The following TNXB variants were observed in gnomAD, a reference collection of about 807,000 sequenced individuals.
TNXB encodes tenascin XB, also known as tenascin-X.
TNXB carries 183 observed loss-of-function variants against 340.5 expected under a neutral mutation model. The observed-to-expected ratio is 0.54, with a 90% CI of 0.48 to 0.61. TNXB has a LOEUF of 0.61. TNXB is among the 20% of genes least tolerant of loss of function. The probability of loss-of-function intolerance (pLI) is 0.00; values close to 1 mark genes in which losing one functional copy is unlikely to be tolerated. For synonymous variants in TNXB, 2,121 were observed against 2,314.5 expected (o/e 0.92, Z 2.40); for missense variants, 4,613 against 5,446.4 (o/e 0.85, Z 4.82).
At chr6:32,050,706 T>C (rs1440446866) in intron 26 of TNXB, among the ~76,000 whole-genome samples, 1 of 152,144 alleles carries the variant, frequency 6.6e-6, no homozygotes, top group African/African-American at 2.4e-5. Flanking sequence ...GGCCAGAGCC[T>C]GGGGTGTGTT....
chr6:32,063,205 T>C (rs929264374), intron 19 of TNXB, among the ~76,000 whole-genome samples: 7 of 152,032 alleles, frequency 4.6e-5, no homozygotes, highest in African/African-American at 1.7e-4. Context: ...CTGGCCAACA[T>C]GGCGAAATCC....
At position 32,095,781 on chromosome 6, in the gene TNXB, C is replaced by T. The variant is rs201146825; in HGVS notation, c.2072G>A (p.Gly691Asp). 2.6e-5 allele frequency: 42 copies of T among 1,613,548 alleles called. No individual in the cohort carries two copies. In the African/African-American group the frequency reaches 5.5e-4, roughly 21 times the overall value. ...EEPPASACPG[G>D]CGPRELCRAG... ...CCGGCACAGTTCCCGGGGCCCGCAG[C>T]CTCCAGGGCAGGCGCTGGCTGGAGG... Residue 691 changes from glycine (G) to aspartate (D), a missense_variant, in exon 3 of 44, where the codon GGC (glycine) becomes GAC (aspartate). By Grantham distance (94) the Gly-to-Asp change is moderately conservative. This residue lies in a region of TNXB where 4,327 missense variants were observed against 4,859.4 expected (regional missense o/e 0.89). Transcript: ENST00000644971.
At position 32,073,609 on chromosome 6, in the gene TNXB, G is replaced by T; in HGVS notation, c.4681+38C>A. On this transcript the variant is annotated intron_variant, in intron 12 of 43. Transcript: ENST00000644971. This position sits in a 1 kb window ranked among gnomAD's most constrained non-coding sequence, Gnocchi z 4.6. ...GGGCCATGGGGTGGGGGAGCTCTGG[G>T]TAACCAGAGATGAGGACTGAGTCCC... The T allele has an allele frequency of 6.4e-7, 1 of 1,565,326 alleles. No homozygotes were observed. The highest frequency in any genetic ancestry group is 8.7e-7 in the Non-Finnish European group (1 of 1,148,676).
chr6:32,090,765 A>G lies in TNXB; in HGVS notation c.2359-1386T>C, dbSNP rs1356273784. 6.6e-6 allele frequency among the ~76,000 whole-genome samples: 1 copy of G among 152,152 alleles called. No homozygotes were observed. The highest frequency in any genetic ancestry group is 1.5e-5 in the Non-Finnish European group (1 of 68,000). On this transcript the variant is annotated intron_variant, in intron 4 of 43. Transcript: ENST00000644971. This position sits in a 1 kb window ranked among gnomAD's most constrained non-coding sequence, Gnocchi z 4.3. ...TATTCACCCTGCCTTAGAATACCCC[A>G]GCCTAGGAAGCCTTGGGTTGGCCTC...
intron 21 of TNXB, among the ~76,000 whole-genome samples, chr6:32,060,410 G>A (rs999308194): frequency 4.1e-5 from 6 of 146,734 alleles, no homozygotes; most frequent in Admixed American, 4.0e-4. Flanking sequence ...TGTAAAGAAG[G>A]AGAAGACATT....
rs2151901522 is a variant in TNXB, at chr6:32,056,585, C to T, written c.8143+1G>A. On this transcript the variant is annotated splice_donor_variant, in intron 23 of 43. Coordinates refer to ENST00000644971, the MANE Select transcript of TNXB (RefSeq NM_001365276.2). LOFTEE classifies it high-confidence loss of function. ...CCCTGGGGCTGCCATCATCCACTCA[C>T]CCGTCACCCCAATGACAGAGATGGG... 1 of 1,612,836 alleles carries T rather than the reference C, an allele frequency of 6.2e-7. No homozygotes were observed. The highest frequency in any genetic ancestry group is 8.5e-7 in the Non-Finnish European group (1 of 1,179,750).
chr6:32,079,376 A>G lies in TNXB; in HGVS notation c.4043-11T>C. ...CATCCTCCTGAGGAGCTGAGAGAAG[A>G]GATAGAGGCATAAAGGGCTGCTGGC... is the stretch of plus-strand genomic sequence containing the variant. On this transcript the variant is annotated splice_polypyrimidine_tract_variant and intron_variant, in intron 10 of 43. Transcript: ENST00000644971. This position sits in a 1 kb window ranked among gnomAD's most constrained non-coding sequence, Gnocchi z 7.1. 10 of 1,589,604 alleles carry G rather than the reference A, an allele frequency of 6.3e-6. No individual in the cohort carries two copies. Among genetic ancestry groups the G allele is most frequent in the Non-Finnish European group, 7.7e-6 (9 of 1,167,168 alleles).
rs561810058 is a variant in TNXB at position 32,049,539 on chromosome 6, G to C, written c.9488C>G (p.Ala3163Gly). 4.6e-4 allele frequency: 738 copies of C among 1,612,488 alleles called. 9 individuals carry two copies. In the South Asian group the frequency reaches 6.9e-3, roughly 15 times the overall value. Residue 3163 changes from alanine to glycine, a missense_variant, in exon 28 of 44, where the codon GCC (alanine) becomes GGC (glycine). By Grantham distance (60) the Ala-to-Gly change is moderately conservative. Around this residue, in one of 7 missense-constraint regions of TNXB, gnomAD observed 4,327 missense variants for 4,859.4 expected, o/e 0.89. Transcript: ENST00000644971. This position sits in a 1 kb window ranked among gnomAD's most constrained non-coding sequence, Gnocchi z 4.5. ...CTCCCCCAGGAGCGGCTCCTCAGGG[G>C]CCTCCGGGGCCTCAGTGCTGGGTTC... ...PTEPSTEAPEAPEEPLLGELT... is the reference protein window; with the variant it reads ...PTEPSTEAPEGPEEPLLGELT...
At position 32,097,431 on chromosome 6, in the gene TNXB, G is replaced by T; in HGVS notation, c.422C>A (p.Thr141Asn). ...AAACACACCATGGAGACTGCAGAGG[G>T]TCCGCACATCTGTCTGACCTGGAGT... ...QAGTGQTDVR[T>N]LCSLHGVFDL... Residue 141 changes from threonine (T) to asparagine (N), a missense_variant, in exon 3 of 44, where the codon ACC becomes AAC. By Grantham distance (65) the Thr-to-Asn change is moderately conservative (BLOSUM62 0). Transcript: ENST00000644971. The surrounding 1 kb of genome is among the most constrained non-coding windows in gnomAD (Gnocchi z 5.9). 6.3e-7 allele frequency: 1 copy of T among 1,599,040 alleles called. No homozygotes were observed.
rs1392738892 is a variant in TNXB, at chr6:32,049,298, C to T, written c.9729G>A (p.Val3243=). 3 of 1,611,996 alleles carry T rather than the reference C, an allele frequency of 1.9e-6. No homozygotes were observed. The highest frequency in any genetic ancestry group is 2.5e-6 in the Non-Finnish European group (3 of 1,179,622). The change falls in exon 28 of 44, where the codon GTG becomes GTA. Residue 3243 remains valine, a synonymous_variant. Coordinates refer to ENST00000644971, the MANE Select transcript of TNXB (RefSeq NM_001365276.2). This position sits in a 1 kb window ranked among gnomAD's most constrained non-coding sequence, Gnocchi z 4.5. ...HLYGLHEGQR[V]GPVSTVGITA... Reference sequence around the variant, plus strand: ...TGATGCCCACGGTGGACACTGGGCCCACGCGCTGCCCCTCGTGGAGGCCGT... The same window carrying T: ...TGATGCCCACGGTGGACACTGGGCCTACGCGCTGCCCCTCGTGGAGGCCGT...
rs752600390 is a variant in TNXB at position 32,042,508 on chromosome 6, C to T, written c.12157G>A (p.Glu4053Lys). The T allele has an allele frequency of 4.0e-5, 65 of 1,612,538 alleles. 1 individual carries two copies. Among genetic ancestry groups the T allele is most frequent in the Middle Eastern group, 1.6e-4 (1 of 6,078 alleles). ...TSTIFLNGNR[E>K]RPLNVFCDME... Reference sequence around the variant, plus strand: ...TCGCAAAACACGTTCAGGGGCCGCTCGCGGTTGCCGTTGAGGAAGATGGTG... The same window carrying T: ...TCGCAAAACACGTTCAGGGGCCGCTTGCGGTTGCCGTTGAGGAAGATGGTG... Residue 4053 changes from glutamate (E) to lysine (K), a missense_variant, in exon 40 of 44, where the codon GAG becomes AAG. Coordinates refer to ENST00000644971, the MANE Select transcript of TNXB (RefSeq NM_001365276.2).
At chr6:32,065,206 C>A in intron 18 of TNXB, 89 bp from the exon 19 acceptor site, 1 of 1,156,886 alleles carries the variant, frequency 8.6e-7, no homozygotes. Context: ...GAAGGTGGGC[C>A]CAGTCTGGCC....
At chr6:32,103,770 G>A (rs1300465708) in intron 1 of TNXB, among the ~76,000 whole-genome samples, 1 of 133,864 alleles carries the variant, frequency 7.5e-6, no homozygotes, top group Non-Finnish European at 1.5e-5. Context: ...TCACTCTGTC[G>A]CCCAGGCTGG....
chr6:32,065,023 G>A lies in TNXB; in HGVS notation c.6639C>T (p.Ser2213=). ...CAAACTGGCCCTCGGGGACTGTCCA[G>A]GAGAGGCTGAGGGAGTCGGAGGTGA... The part of the protein sequence containing the change: ...RDITSDSLSL[S]WTVPEGQFDH... Residue 2213 remains serine (S), a synonymous_variant, in exon 19 of 44, where the codon TCC becomes TCT. Coordinates refer to ENST00000644971, the MANE Select transcript of TNXB (RefSeq NM_001365276.2). The A allele has an allele frequency of 6.2e-7, 1 of 1,610,368 alleles. No homozygotes were observed. The highest frequency in any genetic ancestry group is 8.5e-7 in the Non-Finnish European group (1 of 1,178,740).
At position 32,089,140 on chromosome 6, in the gene TNXB, C is replaced by G. The variant is rs1045670387; in HGVS notation, c.2515+83G>C. 1.4e-5 allele frequency: 22 copies of G among 1,568,922 alleles called. No homozygotes were observed. In the African/African-American group the frequency reaches 2.7e-4, roughly 19 times the overall value. On this transcript the variant is annotated intron_variant, in intron 5 of 43. Transcript: ENST00000644971. This position sits in a 1 kb window ranked among gnomAD's most constrained non-coding sequence, Gnocchi z 6.2. ...GAGCCTAGCCCCCATCCAGCCCCTTCCTTCTGCCCTCCCGGAGGGCAGATT... is the reference window on the plus strand; with the variant it reads ...GAGCCTAGCCCCCATCCAGCCCCTTGCTTCTGCCCTCCCGGAGGGCAGATT...
chr6:32,071,369 C>A (rs771248942), intron 13 of TNXB, among the ~76,000 whole-genome samples: 2 of 151,982 alleles, frequency 1.3e-5, no homozygotes. Context: ...GTGATGGATT[C>A]GCAAGGCAGG....
chr6:32,064,352 A>T lies in TNXB; in HGVS notation c.6841+469T>A, dbSNP rs543417681. ...CTTAGCCTCCCGAGTAGCTGGGACT[A>T]CAGGCATGTGCCACCACACCCAGCT... On this transcript the variant is annotated intron_variant, in intron 19 of 43. Coordinates refer to ENST00000644971, the MANE Select transcript of TNXB (RefSeq NM_001365276.2). The surrounding 1 kb of genome is among the most constrained non-coding windows in gnomAD (Gnocchi z 5.3). Among the ~76,000 whole-genome samples, 58 of 152,276 alleles carry T rather than the reference A, an allele frequency of 3.8e-4. No homozygotes were observed. In the East Asian group the frequency reaches 0.011, roughly 29 times the overall value.
intron 6 of TNXB, among the ~76,000 whole-genome samples, chr6:32,088,170 C>T (rs2127271088): frequency 6.6e-6 from 1 of 152,296 alleles, no homozygotes; most frequent in African/African-American, 2.4e-5. Context: ...CCCCCCATTC[C>T]CCTCCAAGCC....
In TNXB at chr6:32,078,309, G is replaced by A. The variant is rs182950006; in HGVS notation, c.4375+724C>T. On this transcript the variant is annotated intron_variant, in intron 11 of 43. Transcript: ENST00000644971. ...TAAAAATACAAAAAAGTAACCAGGT[G>A]TGGTGGCACGCATCTGTAGTCCCAG... Among the ~76,000 whole-genome samples, 16 of 151,802 alleles carry A rather than the reference G, an allele frequency of 1.1e-4. No individual in the cohort carries two copies. In the South Asian group the frequency reaches 1.9e-3, roughly 18 times the overall value.
Sources: gnomAD v4.1 joint callset for allele counts (sites outside exome capture counted in the v4.1 genomes callset) on GRCh38, gnomAD v4.1.1 for gene constraint, gnomAD v4.1.1 regional missense constraint, Gnocchi (gnomAD v3.1) non-coding constraint, MANE v1.5 for transcripts, NCBI Gene and HGNC (gene_info 2026-07-23, HGNC 2026-07-21) for gene names.